Variants in EXOC1 observed in about 807,000 individuals in gnomAD.
EXOC1 encodes the protein exocyst complex component 1, also known as SEC3-like 1.
In EXOC1, 67 loss-of-function variants were observed where a neutral mutation model predicts 107.7. That is an observed-to-expected ratio of 0.62 (90% CI 0.51 to 0.76). EXOC1 has a LOEUF of 0.76. Among genes scored for constraint, EXOC1 ranks in the 30% least tolerant of loss-of-function variants. EXOC1 has a pLI of 0.00. For synonymous variants in EXOC1, 348 were observed against 353.5 expected (o/e 0.98, Z 0.17); for missense variants, 833 against 1,055.7 (o/e 0.79, Z 2.92).
At position 55,877,908 on chromosome 4, in the gene EXOC1, T is replaced by C; in HGVS notation, c.1075-9T>C. On this transcript the variant is annotated splice_polypyrimidine_tract_variant and intron_variant, in intron 8 of 18. Coordinates refer to ENST00000381295, the MANE Select transcript of EXOC1 (RefSeq NM_001024924.2). ...GATTACATTTATTTACTTATTTTAC[T>C]CACTTTAGGGTCATGATCAGAGTTC... 6.2e-7 allele frequency: 1 copy of C among 1,612,366 alleles called. No homozygotes were observed. Among genetic ancestry groups the C allele is most frequent in the Non-Finnish European group, 8.5e-7 (1 of 1,179,462 alleles).
intron 18 of EXOC1, among the ~76,000 whole-genome samples, chr4:55,903,333 G>A (rs1726217378): frequency 6.6e-6 from 1 of 151,812 alleles, no homozygotes; most frequent in Admixed American, 6.6e-5. Flanking sequence ...ATGAGTGAGA[G>A]TAATTCTGAT....
chr4:55,896,339 A>G (rs757630832), intron 15 of EXOC1, among the ~76,000 whole-genome samples: 2 of 151,924 alleles, frequency 1.3e-5, no homozygotes, highest in Non-Finnish European at 2.9e-5. Context: ...TTTTTTGTAG[A>G]GACGAAAATG....
rs1357659750 is a variant in EXOC1 at position 55,892,819 on chromosome 4, A to T, written c.1724+108A>T. 33 of 967,920 alleles carry T rather than the reference A, an allele frequency of 3.4e-5. No homozygotes were observed. In the East Asian group the frequency reaches 7.9e-4, roughly 23 times the overall value. The allele number at this position is 967,920 out of a possible 1,614,324, so 60.0% of individuals were successfully genotyped here. A position where few individuals can be genotyped will look rare whatever the true frequency, so the allele number is the denominator to read the frequency against. On this transcript the variant is annotated intron_variant, in intron 14 of 18. Coordinates refer to ENST00000381295, the MANE Select transcript of EXOC1 (RefSeq NM_001024924.2). ...GTTTCTCAGTAGCCTGACAGCACTC[A>T]CAGTACCAGCATGTGTGTCCATTGT... is the stretch of plus-strand genomic sequence containing the variant.
At chr4:55,883,581 A>G in intron 9 of EXOC1, 3 of 316,076 alleles carry the variant, frequency 9.5e-6, no homozygotes, top group Non-Finnish European at 1.2e-5. Flanking sequence ...AAAAGGTAAT[A>G]TAGAAAAATG....
In EXOC1 at chr4:55,899,956, G is replaced by T. The variant is rs555675166; in HGVS notation, c.2337+72G>T. On this transcript the variant is annotated intron_variant, in intron 17 of 18. Transcript: ENST00000381295. ...ACATAAGTTTGCATATGAATAACCT[G>T]CAGACATTTATCTTAAATTTTCTCA... 2.0e-4 allele frequency: 258 copies of T among 1,305,802 alleles called. 1 individual carries two copies. In the Middle Eastern group the frequency reaches 2.2e-3, roughly 11 times the overall value. The allele number at this position is 1,305,802 out of a possible 1,614,324, so 80.9% of individuals were successfully genotyped here.
chr4:55,881,395 T>C (rs948414887), intron 9 of EXOC1, among the ~76,000 whole-genome samples: 2 of 152,152 alleles, frequency 1.3e-5, no homozygotes, highest in Non-Finnish European at 2.9e-5. Context: ...ATTTGTCTTA[T>C]TGTTGTGAAC....
At chr4:55,903,924 A>T (rs1726309127) in intron 18 of EXOC1, among the ~76,000 whole-genome samples, 1 of 152,200 alleles carries the variant, frequency 6.6e-6, no homozygotes, top group Admixed American at 6.5e-5. Flanking sequence ...AAATGAAATT[A>T]AAGCATTACA....
chr4:55,870,443 T>A (rs1722321872), intron 5 of EXOC1, among the ~76,000 whole-genome samples: 1 of 152,218 alleles, frequency 6.6e-6, no homozygotes, highest in South Asian at 2.1e-4. Context: ...TCCTAAGGCA[T>A]GGTCCCTAAC....
chr4:55,858,654 A>G (rs1415288176), intron 2 of EXOC1, among the ~76,000 whole-genome samples: 1 of 152,108 alleles, frequency 6.6e-6, no homozygotes, highest in Non-Finnish European at 1.5e-5. Context: ...GTTTTAAATT[A>G]TATTTCCCTA....
chr4:55,904,240 C>A, intron 18 of EXOC1, 103 bp from the exon 19 acceptor site: 7 of 1,189,200 alleles, frequency 5.9e-6, no homozygotes, highest in Non-Finnish European at 8.0e-6. Context: ...TTCCTAGCTA[C>A]TATACTACCC....
At chr4:55,861,014 G>C (rs1346650646) in intron 3 of EXOC1, among the ~76,000 whole-genome samples, 1 of 150,096 alleles carries the variant, frequency 6.7e-6, no homozygotes, top group Non-Finnish European at 1.5e-5. Flanking sequence ...AAGGAATGTA[G>C]ATAATAAGAT....
intron 18 of EXOC1, 75 bp from the exon 19 acceptor site, chr4:55,904,268 C>T: frequency 7.3e-7 from 1 of 1,377,382 alleles, no homozygotes; most frequent in Non-Finnish European, 9.7e-7. Context: ...TAGAATATGC[C>T]TTGGCATTAT....
At chr4:55,903,474 C>T (rs549436064) in intron 18 of EXOC1, among the ~76,000 whole-genome samples, 21 of 152,078 alleles carry the variant, frequency 1.4e-4, no homozygotes, top group African/African-American at 4.6e-4. Flanking sequence ...ATGAGCTAAA[C>T]GATGAAAAGT....
At chr4:55,862,470 G>T (rs1007170179) in intron 3 of EXOC1, among the ~76,000 whole-genome samples, 2 of 151,952 alleles carry the variant, frequency 1.3e-5, no homozygotes, top group African/African-American at 4.8e-5. Flanking sequence ...CTTCTTTTAT[G>T]GTATTATGGG....
In EXOC1 at chr4:55,872,797, C is replaced by G. The variant is rs188187975; in HGVS notation, c.1074+839C>G. The G allele has an allele frequency of 8.2e-5, 80 of 980,068 alleles. No individual in the cohort carries two copies. The East Asian group carries it at 4.4e-3, about 54-fold the overall frequency. The allele number at this position is 980,068 out of a possible 1,614,324, so 60.7% of individuals were successfully genotyped here. On this transcript the variant is annotated intron_variant, in intron 8 of 18. Coordinates refer to ENST00000381295, the MANE Select transcript of EXOC1 (RefSeq NM_001024924.2). ...TCAACTCTATAACAGGTCCTACTTT[C>G]TTTCGGTTCCTGTGAGTACATCAAA...
At chr4:55,878,993 AAG>A (rs574153559) in intron 9 of EXOC1, among the ~76,000 whole-genome samples, 97 of 152,328 alleles carry the variant, frequency 6.4e-4, no homozygotes, top group Middle Eastern at 3.4e-3. Flanking sequence ...TATAAACCAA[AAG>A]AGAGACTCCA....
At chr4:55,860,587 C>A in intron 3 of EXOC1, 46 bp downstream of exon 3, 2 of 1,600,028 alleles carry the variant, frequency 1.2e-6, no homozygotes, top group South Asian at 1.1e-5. Context: ...AAGCATCTTT[C>A]ATTTTATAAC....
rs1026832339 is a variant in EXOC1 at position 55,875,574 on chromosome 4, A to G, written c.1075-2343A>G. On this transcript the variant is annotated intron_variant, in intron 8 of 18. Transcript: ENST00000381295. Reference sequence around the variant, plus strand: ...TAGCTGGGTTACCTTGAACAAGTTAATTGACATTTGTGCCTGAGTAAACAG... The same window carrying G: ...TAGCTGGGTTACCTTGAACAAGTTAGTTGACATTTGTGCCTGAGTAAACAG... 10 of 984,950 alleles carry G rather than the reference A, an allele frequency of 1.0e-5. No individual in the cohort carries two copies. In the South Asian group the frequency reaches 4.7e-4, roughly 46 times the overall value. 61.0% of individuals were successfully genotyped at this position (984,950 alleles called of 1,614,324 possible). A position where few individuals can be genotyped will look rare whatever the true frequency, so the allele number is the denominator to read the frequency against.
intron 8 of EXOC1, among the ~76,000 whole-genome samples, chr4:55,874,098 G>C (rs1362908661): frequency 3.3e-5 from 5 of 152,118 alleles, no homozygotes; most frequent in Non-Finnish European, 7.4e-5. Flanking sequence ...TGAGTTTATT[G>C]AGAATTTAAG....
Sources: gnomAD v4.1 joint callset for allele counts (sites outside exome capture counted in the v4.1 genomes callset) on GRCh38, gnomAD v4.1.1 for gene constraint, MANE v1.5 for transcripts, NCBI Gene and HGNC (gene_info 2026-07-23, HGNC 2026-07-21) for gene names.